Variants in TCHHL1 observed in about 807,000 individuals in gnomAD.
TCHHL1 encodes trichohyalin like 1.
In TCHHL1, 1 loss-of-function variant was observed where a neutral mutation model predicts 3.5. The observed-to-expected ratio is 0.29, with a 90% CI of 0.10 to 1.36. TCHHL1 has a LOEUF of 1.36. Ranked by LOEUF, TCHHL1 falls within the 40% of genes most tolerant of loss-of-function variation. TCHHL1 has a pLI of 0.43. For synonymous variants in TCHHL1, 405 were observed against 375.3 expected, an observed-to-expected ratio of 1.08 and a Z score of -0.92; for missense variants, 1,027 against 1,032.8, an observed-to-expected ratio of 0.99 and a Z score of 0.08.
At position 152,086,626 on chromosome 1, in the gene TCHHL1, T is replaced by C; in HGVS notation, c.1056A>G (p.Glu352=). The C allele has an allele frequency of 6.2e-7, 1 of 1,614,148 alleles. No homozygotes were observed. The highest frequency in any genetic ancestry group is 8.5e-7 in the Non-Finnish European group (1 of 1,180,036). Reference sequence around the variant, plus strand: ...CAGATGTTCTGCCATAATCCTCAGGTTCACCCAAATTCTTTGTTTTAGCTG... The same window carrying C: ...CAGATGTTCTGCCATAATCCTCAGGCTCACCCAAATTCTTTGTTTTAGCTG... The part of the protein sequence containing the change: ...QTPAKTKNLG[E]PEDYGRTSET... The change falls in exon 3 of 3, where the codon GAA becomes GAG. Residue 352 remains glutamate, a synonymous_variant. Transcript: ENST00000368806.
rs962687822 is a variant in TCHHL1, at chr1:152,085,309, C to T, written c.2373G>A (p.Val791=). The T allele has an allele frequency of 9.9e-6, 16 of 1,614,080 alleles. No individual in the cohort carries two copies. The African/African-American group carries it at 1.7e-4, about 18-fold the overall frequency. The change falls in exon 3 of 3, where the codon GTG becomes GTA. Residue 791 remains valine (V), a synonymous_variant. Coordinates refer to ENST00000368806, the MANE Select transcript of TCHHL1 (RefSeq NM_001008536.2). ...GACTGGAATAGACTGCACCCCTCTC[C>T]ACAGAACAGGGCTCTTGGTCTCTCT... ...QMQRDQEPCS[V]ERGAVYSSPL...
At chr1:152,087,921 A>T (rs1307134189) in intron 2 of TCHHL1, 85 bp downstream of exon 2, 1 of 1,471,272 alleles carries the variant, frequency 6.8e-7, no homozygotes, top group African/African-American at 1.4e-5. Flanking sequence ...TGTAAAATGG[A>T]TGGGGATCAC....
intron 1 of TCHHL1, 26 bp downstream of exon 1, chr1:152,088,994 A>G (rs1657784900): frequency 6.6e-6 from 1 of 152,146 alleles, no homozygotes; most frequent in South Asian, 2.1e-4. Context: ...CTGAAATCCC[A>G]AGTATGCTCA....
Position 152,084,893 on chromosome 1 carries a change from G to T in TCHHL1, c.*74C>A. ...AGAGAATTTAAAAGATTGTTAATCTGCATCTGAATGTGTACACGTGAGTAT... is the reference window on the plus strand; with the variant it reads ...AGAGAATTTAAAAGATTGTTAATCTTCATCTGAATGTGTACACGTGAGTAT... On this transcript the variant is annotated 3_prime_UTR_variant, in exon 3 of 3. Coordinates refer to ENST00000368806, the MANE Select transcript of TCHHL1 (RefSeq NM_001008536.2). 1 of 1,407,434 alleles carries T rather than the reference G, an allele frequency of 7.1e-7. No individual in the cohort carries two copies. The highest frequency in any genetic ancestry group is 9.7e-7 in the Non-Finnish European group (1 of 1,032,542). The allele number at this position is 1,407,434 out of a possible 1,614,324, so 87.2% of individuals were successfully genotyped here.
At position 152,086,617 on chromosome 1, in the gene TCHHL1, A is replaced by G. The variant is rs1295885062; in HGVS notation, c.1065T>C (p.Asp355=). Residue 355 remains aspartate, a synonymous_variant, in exon 3 of 3, where the codon GAT becomes GAC. Transcript: ENST00000368806. The part of the protein sequence containing the change: ...AKTKNLGEPE[D]YGRTSETQEK... ...CTTGGGTCTCAGATGTTCTGCCATA[A>G]TCCTCAGGTTCACCCAAATTCTTTG... is the stretch of plus-strand genomic sequence containing the variant. The G allele has an allele frequency of 6.2e-7, 1 of 1,613,966 alleles. No individual in the cohort carries two copies. The highest frequency in any genetic ancestry group is 8.5e-7 in the Non-Finnish European group (1 of 1,180,032).
chr1:152,086,133 T>A lies in TCHHL1; in HGVS notation c.1549A>T (p.Thr517Ser). The change falls in exon 3 of 3, where the codon ACC (threonine) becomes TCC (serine). Residue 517 changes from threonine to serine, a missense_variant. Thr to Ser is a moderately conservative substitution (Grantham distance 58). Coordinates refer to ENST00000368806, the MANE Select transcript of TCHHL1 (RefSeq NM_001008536.2). Reference sequence around the variant, plus strand: ...TCAACTGGTTGGTCATGAGTCTTGGTGACCCTAGTATTTTCTCCTACAGAC... The same window carrying A: ...TCAACTGGTTGGTCATGAGTCTTGGAGACCCTAGTATTTTCTCCTACAGAC... The part of the protein sequence containing the change: ...KQSVGENTRV[T>S]KTHDQPVEEE... The A allele has an allele frequency of 6.2e-7, 1 of 1,614,230 alleles. No homozygotes were observed. The highest frequency in any genetic ancestry group is 8.5e-7 in the Non-Finnish European group (1 of 1,180,036).
rs1370464477 is a variant in TCHHL1, at chr1:152,085,419, C to A, written c.2263G>T (p.Ala755Ser). ...EEEDESPQEL[A>S]GEGGDQKSPA... ...CTTTTTTGGTCACCACCTTCTCCTG[C>A]CAGCTCTTGGGGACTTTCATCTTCC... The change falls in exon 3 of 3, where the codon GCA becomes TCA. Residue 755 changes from alanine to serine, a missense_variant. Ala to Ser is a moderately conservative substitution (Grantham distance 99, BLOSUM62 1). Coordinates refer to ENST00000368806, the MANE Select transcript of TCHHL1 (RefSeq NM_001008536.2). 1 of 1,614,198 alleles carries A rather than the reference C, an allele frequency of 6.2e-7. No homozygotes were observed. Among genetic ancestry groups the A allele is most frequent in the South Asian group, 1.1e-5 (1 of 91,084 alleles).
At position 152,085,036 on chromosome 1, in the gene TCHHL1, T is replaced by G; in HGVS notation, c.2646A>C (p.Glu882Asp). ...CTCTCTGAGGGTGACCTTGCTTATC[T>G]TCCAAGGCCTGGGGAGCTGGTGTTT... is the stretch of plus-strand genomic sequence containing the variant. ...AQETPAPQAL[E>D]DKQGHPQRER... The change falls in exon 3 of 3, where the codon GAA becomes GAC. Residue 882 changes from glutamate (E) to aspartate (D), a missense_variant. Glu to Asp is a conservative substitution (Grantham distance 45). This residue lies in a region of TCHHL1 where 673 missense variants were observed against 658.6 expected (regional missense o/e 1.02). Transcript: ENST00000368806. The G allele has an allele frequency of 1.2e-6, 2 of 1,614,132 alleles. No individual in the cohort carries two copies. The highest frequency in any genetic ancestry group is 1.7e-6 in the Non-Finnish European group (2 of 1,180,018).
chr1:152,087,162 C>T lies in TCHHL1; in HGVS notation c.520G>A (p.Glu174Lys). ...TGTTTGTTCTTAGGATCATTGTGTT[C>T]AGATGCTTCTCCTGGAAAGTTGTGA... Reference protein sequence around the residue: ...KTHNFPGEASEHNDPKNKHLE... With the variant: ...KTHNFPGEASKHNDPKNKHLE... The change falls in exon 3 of 3, where the codon GAA becomes AAA. Residue 174 changes from glutamate (E) to lysine (K), a missense_variant. By Grantham distance (56) the Glu-to-Lys change is moderately conservative. Transcript: ENST00000368806. 1.9e-6 allele frequency: 3 copies of T among 1,614,184 alleles called. No homozygotes were observed. Among genetic ancestry groups the T allele is most frequent in the Non-Finnish European group, 2.5e-6 (3 of 1,180,024 alleles).
Position 152,087,093 on chromosome 1 carries a change from G to GTA in TCHHL1, c.587_588dup (p.Gln197TyrfsTer52). 6.2e-7 allele frequency: 1 copy of GTA among 1,614,070 alleles called. No homozygotes were observed. The highest frequency in any genetic ancestry group is 8.5e-7 in the Non-Finnish European group (1 of 1,180,010). ...TGGCCTTCATTGTCTTCTGTTGTTT[G>GTA]TATATCTTGAGCCACTTCCTGACTT... On this transcript the variant is annotated frameshift_variant, in exon 3 of 3. Transcript: ENST00000368806. LOFTEE classifies it low-confidence loss of function (END_TRUNC).
chr1:152,085,981 C>G lies in TCHHL1; in HGVS notation c.1701G>C (p.Leu567=). The G allele has an allele frequency of 6.2e-7, 1 of 1,614,218 alleles. No homozygotes were observed. Among genetic ancestry groups the G allele is most frequent in the Non-Finnish European group, 8.5e-7 (1 of 1,180,042 alleles). The stretch of plus-strand genomic sequence containing the variant: ...GACTCTGGGAGTCCCCTTGCACAGG[C>G]AGTTCACCTGTCTCTGAGCTGCTAT... ...EGNSSSETGE[L]PVQGDSQSQG... is the part of the protein sequence containing the mutation. The change falls in exon 3 of 3, where the codon CTG becomes CTC. Residue 567 remains leucine, a synonymous_variant. Coordinates refer to ENST00000368806, the MANE Select transcript of TCHHL1 (RefSeq NM_001008536.2).
chr1:152,087,566 A>G, intron 2 of TCHHL1, 23 bp from the exon 3 acceptor site: 1 of 1,565,812 alleles, frequency 6.4e-7, no homozygotes, highest in South Asian at 1.2e-5. Context: ...ACAGTGAGAA[A>G]TCAGCTTATT....
In TCHHL1 at chr1:152,085,517, T is replaced by C. The variant is rs2101504089; in HGVS notation, c.2165A>G (p.Glu722Gly). ...GGCTGAATTGTCCTCATCTAGACTT[T>C]CTAACAGAGTATTCTGGGCCTCTGT... ...RATEAQNTLL[E>G]SLDEDNSASL... The change falls in exon 3 of 3, where the codon GAA (glutamate) becomes GGA (glycine). Residue 722 changes from glutamate to glycine, a missense_variant. Physicochemically the swap from Glu to Gly is moderately conservative, Grantham distance 98 (BLOSUM62 -2). Coordinates refer to ENST00000368806, the MANE Select transcript of TCHHL1 (RefSeq NM_001008536.2). 1 of 1,614,216 alleles carries C rather than the reference T, an allele frequency of 6.2e-7. No individual in the cohort carries two copies. Among genetic ancestry groups the C allele is most frequent in the East Asian group, 2.2e-5 (1 of 44,892 alleles).
At position 152,085,570 on chromosome 1, in the gene TCHHL1, TG is replaced by T; in HGVS notation, c.2111del (p.Pro704GlnfsTer18). The T allele has an allele frequency of 6.2e-7, 1 of 1,614,268 alleles. No homozygotes were observed. Among genetic ancestry groups the T allele is most frequent in the Non-Finnish European group, 8.5e-7 (1 of 1,180,054 alleles). ...DSRNELKVQGPSSKEEKGRAT... is the reference protein window; with the variant it reads ...DSRNELKVQGXSSKEEKGRAT... ...CTCTTCCTTTCTCTTCTTTGCTACT[TG>T]GGCCTTGGACCTTTAATTCATTTCT... On this transcript the variant is annotated frameshift_variant, in exon 3 of 3. Transcript: ENST00000368806. LOFTEE classifies it low-confidence loss of function (END_TRUNC).
At position 152,085,222 on chromosome 1, in the gene TCHHL1, A is replaced by T. The variant is rs1469859761; in HGVS notation, c.2460T>A (p.His820Gln). The change falls in exon 3 of 3, where the codon CAT becomes CAA. Residue 820 changes from histidine (H) to glutamine (Q), a missense_variant. By Grantham distance (24) the His-to-Gln change is conservative. This residue lies in a region of TCHHL1 where 673 missense variants were observed against 658.6 expected (regional missense o/e 1.02). Coordinates refer to ENST00000368806, the MANE Select transcript of TCHHL1 (RefSeq NM_001008536.2). ...LQQTNVTQEEHQKQVQIAQAS... is the reference protein window; with the variant it reads ...LQQTNVTQEEQQKQVQIAQAS... ...CCTGGGCTATCTGAACTTGCTTTTG[A>T]TGCTCCTCTTGGGTTACATTTGTTT... 1 of 1,614,108 alleles carries T rather than the reference A, an allele frequency of 6.2e-7. No individual in the cohort carries two copies. Among genetic ancestry groups the T allele is most frequent in the Non-Finnish European group, 8.5e-7 (1 of 1,180,016 alleles).
intron 2 of TCHHL1, among the ~76,000 whole-genome samples, chr1:152,087,805 C>T (rs567408185): frequency 6.6e-6 from 1 of 152,264 alleles, no homozygotes; most frequent in East Asian, 1.9e-4. Context: ...AAGCAATAAT[C>T]CCAGTGACGA....
intron 2 of TCHHL1, 113 bp downstream of exon 2, chr1:152,087,893 T>G: frequency 6.9e-6 from 9 of 1,304,732 alleles, no homozygotes; most frequent in Non-Finnish European, 9.4e-6. Flanking sequence ...CAGTGAGTGC[T>G]GAGAACTGTT....
rs1304773140 is a variant in TCHHL1 at position 152,086,546 on chromosome 1, C to G, written c.1136G>C (p.Arg379Thr). 1 of 1,614,046 alleles carries G rather than the reference C, an allele frequency of 6.2e-7. No individual in the cohort carries two copies. Among genetic ancestry groups the G allele is most frequent in the Non-Finnish European group, 8.5e-7 (1 of 1,180,046 alleles). The stretch of plus-strand genomic sequence containing the variant: ...CATGTCAGATGTTTCTGAACCATTT[C>G]TGCTACCATATTGGACTGGCAGGTC... ...TKDLPVQYGS[R>T]NGSETSDMRD... Residue 379 changes from arginine (R) to threonine (T), a missense_variant, in exon 3 of 3, where the codon AGA becomes ACA. Arg to Thr is a moderately conservative substitution (Grantham distance 71). Around this residue, in one of 3 missense-constraint regions of TCHHL1, gnomAD observed 673 missense variants for 658.6 expected, o/e 1.02. Transcript: ENST00000368806.
chr1:152,086,503 C>G lies in TCHHL1; in HGVS notation c.1179G>C (p.Glu393Asp), dbSNP rs866814465. The G allele has an allele frequency of 6.2e-7, 1 of 1,614,086 alleles. No individual in the cohort carries two copies. The highest frequency in any genetic ancestry group is 8.5e-7 in the Non-Finnish European group (1 of 1,180,044). ...TTCCATGGGCCTCAGGACCTCTCCT[C>G]TCTTTCCTTTCATCTCTCATGTCAG... ...ETSDMRDERK[E>D]RRGPEAHGTA... Residue 393 changes from glutamate to aspartate, a missense_variant, in exon 3 of 3, where the codon GAG (glutamate) becomes GAC (aspartate). Glu to Asp is a conservative substitution (Grantham distance 45). This residue lies in a region of TCHHL1 where 673 missense variants were observed against 658.6 expected (regional missense o/e 1.02). Coordinates refer to ENST00000368806, the MANE Select transcript of TCHHL1 (RefSeq NM_001008536.2).
Sources: gnomAD v4.1 joint callset for allele counts (sites outside exome capture counted in the v4.1 genomes callset) on GRCh38, gnomAD v4.1.1 for gene constraint, gnomAD v4.1.1 regional missense constraint, MANE v1.5 for transcripts, NCBI Gene and HGNC (gene_info 2026-07-23, HGNC 2026-07-21) for gene names.